TFDP1: variants seen among roughly 807,000 people sequenced by gnomAD.
TFDP1 encodes DRTF1-polypeptide 1.
TFDP1 carries 6 observed loss-of-function variants against 48.0 expected under a neutral mutation model. The observed-to-expected ratio is 0.13, with a 90% confidence interval of 0.07 to 0.25. The LOEUF is 0.25. TFDP1 is among the 10% of genes least tolerant of loss of function. The pLI, the probability that TFDP1 is intolerant of heterozygous loss-of-function variation, is 1.00. For missense variants in TFDP1, 335 were observed against 543.0 expected (o/e 0.62, Z 3.81); for synonymous variants, 201 against 211.6 (o/e 0.95, Z 0.44).
chr13:113,609,217 G>A (rs1045817514), intron 2 of TFDP1, among the ~76,000 whole-genome samples: 9 of 152,190 alleles, frequency 5.9e-5, no homozygotes, highest in African/African-American at 2.2e-4. Context: ...GCCGTCTGTG[G>A]GCCCCTGGGG....
At chr13:113,603,940 C>T (rs903417287) in intron 2 of TFDP1, among the ~76,000 whole-genome samples, 9 of 152,030 alleles carry the variant, frequency 5.9e-5, no homozygotes, top group African/African-American at 1.5e-4. Flanking sequence ...GTAGCTTACA[C>T]CTGCTTGAGC....
In TFDP1 at chr13:113,606,125, T is replaced by C. The variant is rs373499523; in HGVS notation, c.13-4871T>C. ...GGAAGGCGGCGTGGTGGTGAGTGTC[T>C]GCAGGGGATCCTGTGGGAAGGCGGC... On this transcript the variant is annotated intron_variant, in intron 2 of 11. Coordinates refer to ENST00000375370, the MANE Select transcript of TFDP1 (RefSeq NM_007111.5). Among the ~76,000 whole-genome samples, 677 of 96,440 alleles carry C rather than the reference T, an allele frequency of 7.0e-3. 9 individuals carry two copies. The highest frequency in any genetic ancestry group is 0.024 in the East Asian group (73 of 2,980). 63.3% of individuals were successfully genotyped at this position (96,440 alleles called of 152,430 possible).
intron 4 of TFDP1, among the ~76,000 whole-genome samples, chr13:113,624,799 CCTCAGGTGTTT>C (rs200243899): frequency 5.4e-5 from 8 of 148,558 alleles, no homozygotes; most frequent in Admixed American, 1.3e-4. Flanking sequence ...TCTCACATGT[CCTCAGGTGTTT>C]CTCAGGTGTC....
At chr13:113,611,091 T>A in intron 3 of TFDP1, 29 bp downstream of exon 3, 1 of 1,585,328 alleles carries the variant, frequency 6.3e-7, no homozygotes, top group Non-Finnish European at 8.7e-7. Context: ...GACACACTCT[T>A]GTGTTGATGA....
At chr13:113,614,809 G>A (rs188112264) in intron 3 of TFDP1, among the ~76,000 whole-genome samples, 1 of 152,246 alleles carries the variant, frequency 6.6e-6, no homozygotes, top group African/African-American at 2.4e-5. Context: ...CCATAGTGGG[G>A]CCGTCAGGGC....
intron 2 of TFDP1, among the ~76,000 whole-genome samples, chr13:113,588,308 C>T (rs1193927426): frequency 6.6e-6 from 1 of 152,222 alleles, no homozygotes; most frequent in East Asian, 1.9e-4. Context: ...TGAGGGGCCA[C>T]AGGATGCAGG....
Position 113,631,852 on chromosome 13 carries a change from G to A in TFDP1, c.308+108G>A, listed in dbSNP as rs1053868737. 32 of 1,429,804 alleles carry A rather than the reference G, an allele frequency of 2.2e-5. No homozygotes were observed. In the East Asian group the frequency reaches 2.5e-4, roughly 11 times the overall value. The allele number at this position is 1,429,804 out of a possible 1,614,324, so 88.6% of individuals were successfully genotyped here. A position where few individuals can be genotyped will look rare whatever the true frequency, so the allele number is the denominator to read the frequency against. On this transcript the variant is annotated intron_variant, in intron 5 of 11. Transcript: ENST00000375370. ...CACAGTCGTGCGATGGGGCTCCCAC[G>A]CGCGTTGACGCCAGCCTCCGAATCA...
At position 113,585,696 on chromosome 13, in the gene TFDP1, A is replaced by ATG. The variant is rs565053336; in HGVS notation, c.-64-74_-64-73dup. 233 of 852,028 alleles carry ATG rather than the reference A, an allele frequency of 2.7e-4. No individual in the cohort carries two copies. The African/African-American group carries it at 3.4e-3, about 12-fold the overall frequency. The allele number at this position is 852,028 out of a possible 1,614,324, so 52.8% of individuals were successfully genotyped here. On this transcript the variant is annotated intron_variant, in intron 1 of 11. Coordinates refer to ENST00000375370, the MANE Select transcript of TFDP1 (RefSeq NM_007111.5). Reference sequence around the variant, plus strand: ...AAGGAAGGTCCGCGTTTCCTTTGAGATGTGTTATTTTTTAAACTTCGTTTT... The same window carrying ATG: ...AAGGAAGGTCCGCGTTTCCTTTGAGATGTGTGTTATTTTTTAAACTTCGTTTT...
intron 2 of TFDP1, among the ~76,000 whole-genome samples, chr13:113,602,302 C>T (rs1164655035): frequency 6.6e-6 from 1 of 151,848 alleles, no homozygotes; most frequent in African/African-American, 2.4e-5. Flanking sequence ...ACAGAGTTAC[C>T]CGCAGGAGTT....
At chr13:113,638,511 A>G (rs987093583) in intron 11 of TFDP1, among the ~76,000 whole-genome samples, 3 of 148,680 alleles carry the variant, frequency 2.0e-5, no homozygotes, top group Non-Finnish European at 4.5e-5. Flanking sequence ...GTCTGTGATT[A>G]TGGTACACGT....
At position 113,607,321 on chromosome 13, in the gene TFDP1, C is replaced by T. The variant is rs1161618999; in HGVS notation, c.13-3675C>T. ...CGGGTGCTTGCCAGGGATCTGGTGA[C>T]ACCTGGGCATGTGGCTGGTGGAACC... On this transcript the variant is annotated intron_variant, in intron 2 of 11. Transcript: ENST00000375370. The surrounding 1 kb of genome is among the most constrained non-coding windows in gnomAD (Gnocchi z 5.2). Among the ~76,000 whole-genome samples the T allele has an allele frequency of 1.3e-5, 2 of 152,238 alleles. No individual in the cohort carries two copies. Among genetic ancestry groups the T allele is most frequent in the Non-Finnish European group, 2.9e-5 (2 of 68,040 alleles).
intron 3 of TFDP1, among the ~76,000 whole-genome samples, chr13:113,615,111 C>T (rs2048824796): frequency 6.6e-6 from 1 of 152,202 alleles, no homozygotes; most frequent in Non-Finnish European, 1.5e-5. Flanking sequence ...CATCCACAGG[C>T]TCCCCAAGGA....
Position 113,640,218 on chromosome 13 carries a change from A to G in TFDP1, c.1184A>G (p.Glu395Gly), listed in dbSNP as rs1594551347. 6.2e-7 allele frequency: 1 copy of G among 1,613,194 alleles called. No individual in the cohort carries two copies. Among genetic ancestry groups the G allele is most frequent in the Non-Finnish European group, 8.5e-7 (1 of 1,179,548 alleles). The change falls in exon 12 of 12, where the codon GAG becomes GGG. Residue 395 changes from glutamate to glycine, a missense_variant. Coordinates refer to ENST00000375370, the MANE Select transcript of TFDP1 (RefSeq NM_007111.5). ...GAGACTCCGGTGTCCTACGTCGGGG[A>G]GGACGACGAGGAGGACGATGACTTC... ...RVETPVSYVGEDDEEDDDFNE... is the reference protein window; with the variant it reads ...RVETPVSYVGGDDEEDDDFNE...
At chr13:113,586,794 G>A (rs1328247991) in intron 2 of TFDP1, among the ~76,000 whole-genome samples, 1 of 152,216 alleles carries the variant, frequency 6.6e-6, no homozygotes, top group African/African-American at 2.4e-5. Flanking sequence ...CTGCCTTCAA[G>A]CACTGGGGTC....
chr13:113,624,997 C>T (rs563065120), intron 4 of TFDP1, among the ~76,000 whole-genome samples: 5 of 113,700 alleles, frequency 4.4e-5, no homozygotes, highest in African/African-American at 7.4e-5. Context: ...GTGTCTCTCA[C>T]GTGTCCTCAG....
intron 3 of TFDP1, among the ~76,000 whole-genome samples, chr13:113,613,048 A>G (rs1356040234): frequency 1.3e-5 from 2 of 151,900 alleles, no homozygotes; most frequent in Non-Finnish European, 2.9e-5. Context: ...ATGGAGTCTC[A>G]CTCTGTCGCC....
At chr13:113,589,217 G>A (rs2048080878) in intron 2 of TFDP1, among the ~76,000 whole-genome samples, 1 of 152,168 alleles carries the variant, frequency 6.6e-6, no homozygotes, top group Non-Finnish European at 1.5e-5. Context: ...GAATTAAAAT[G>A]GTAAATTCAA....
chr13:113,635,531 C>T (rs1237501897), intron 8 of TFDP1, among the ~76,000 whole-genome samples: 1 of 152,194 alleles, frequency 6.6e-6, no homozygotes, highest in Non-Finnish European at 1.5e-5. Context: ...GGCCTATTCC[C>T]CCAGAGGAGC....
chr13:113,634,072 A>G (rs768910236), intron 7 of TFDP1, 39 bp downstream of exon 7: 2 of 1,613,860 alleles, frequency 1.2e-6, no homozygotes, highest in Non-Finnish European at 1.7e-6. Context: ...ATTTCCCTTC[A>G]AGTCCGTGTA....
Sources: gnomAD v4.1 joint callset for allele counts (sites outside exome capture counted in the v4.1 genomes callset) on GRCh38, gnomAD v4.1.1 for gene constraint, Gnocchi (gnomAD v3.1) non-coding constraint, MANE v1.5 for transcripts, NCBI Gene and HGNC (gene_info 2026-07-23, HGNC 2026-07-21) for gene names.